DNAH14: variants seen among roughly 807,000 people sequenced by gnomAD.
DNAH14 encodes dynein axonemal heavy chain 14, also known as axonemal beta dynein heavy chain 14.
In DNAH14, 478 loss-of-function variants were observed where a neutral mutation model predicts 520.9. The ratio of observed to expected loss-of-function variants is 0.92; its 90% CI spans 0.85 to 0.99. The LOEUF (loss-of-function observed/expected upper bound fraction) is 0.99. DNAH14 is among the 50% of genes least tolerant of loss of function. DNAH14 has a pLI of 0.00. For synonymous variants in DNAH14, 1,581 were observed against 1,757.2 expected (o/e 0.90, Z 2.51); for missense variants, 4,831 against 5,234.5 (o/e 0.92, Z 2.38).
chr1:225,324,978 ATTGG>A, intron 64 of DNAH14, 146 bp downstream of exon 64: 4 of 400,770 alleles, frequency 1.0e-5, no homozygotes, highest in Non-Finnish European at 1.7e-5. Context: ...AAATAATATT[ATTGG>A]TAATATTATT....
intron 27 of DNAH14, among the ~76,000 whole-genome samples, chr1:225,133,824 C>T (rs1023770747): frequency 2.0e-5 from 3 of 152,082 alleles, no homozygotes; most frequent in Non-Finnish European, 2.9e-5. Context: ...GCAGTATGGC[C>T]GTTTTTATGA....
At chr1:225,344,017 G>A (rs780533765) in intron 69 of DNAH14, among the ~76,000 whole-genome samples, 26 of 152,168 alleles carry the variant, frequency 1.7e-4, no homozygotes, top group Non-Finnish European at 3.2e-4. Context: ...ACACACATTA[G>A]GGCACTATAT....
Position 225,331,428 on chromosome 1 carries a change from A to T in DNAH14, c.9724-9A>T. 1 of 1,547,878 alleles carries T rather than the reference A, an allele frequency of 6.5e-7. No individual in the cohort carries two copies. Among genetic ancestry groups the T allele is most frequent in the South Asian group, 1.2e-5 (1 of 83,170 alleles). The stretch of plus-strand genomic sequence containing the variant: ...TATTTTTCTCAATAATGAATTAATT[A>T]TCTTTCAGGTTGAAGAACATTTGCT... On this transcript the variant is annotated splice_polypyrimidine_tract_variant and intron_variant, in intron 64 of 85. Transcript: ENST00000682510.
chr1:225,173,250 T>A (rs1336720300), intron 36 of DNAH14, among the ~76,000 whole-genome samples: 2 of 152,158 alleles, frequency 1.3e-5, no homozygotes, highest in Non-Finnish European at 2.9e-5. Context: ...AAAGCCAAAA[T>A]TGACAAATGG....
chr1:224,941,046 G>C (rs1415519038), intron 1 of DNAH14, among the ~76,000 whole-genome samples: 1 of 152,290 alleles, frequency 6.6e-6, no homozygotes, highest in East Asian at 1.9e-4. Flanking sequence ...TAATGGGATG[G>C]CTGGGTCAAA....
chr1:224,952,801 A>C, intron 2 of DNAH14, 22 bp downstream of exon 2: 1 of 1,541,258 alleles, frequency 6.5e-7, no homozygotes, highest in South Asian at 1.2e-5. Flanking sequence ...ATAAAATATA[A>C]TGAGTTTTTT....
intron 23 of DNAH14, among the ~76,000 whole-genome samples, chr1:225,114,683 T>C (rs749052448): frequency 5.3e-5 from 8 of 152,180 alleles, no homozygotes; most frequent in Non-Finnish European, 1.0e-4. Flanking sequence ...GAATGGATGC[T>C]TACCCTCTGG....
chr1:225,335,141 ACATGTGTACATGTGTGCATGTGTG>A (rs1333150405), intron 66 of DNAH14, among the ~76,000 whole-genome samples: 32 of 123,154 alleles, frequency 2.6e-4, no homozygotes, highest in African/African-American at 1.0e-3. Context: ...GTGCATGTGC[ACATGTGTACATGTGTGCATGTGTG>A]CATGTGTACA....
intron 17 of DNAH14, among the ~76,000 whole-genome samples, chr1:225,058,496 G>A (rs2069495776): frequency 2.0e-5 from 3 of 152,040 alleles, no homozygotes; most frequent in Admixed American, 6.6e-5. Context: ...TGGATTCATT[G>A]ATTTTTTGAA....
chr1:225,052,407 G>T (rs1331141815), intron 17 of DNAH14, among the ~76,000 whole-genome samples: 1 of 152,128 alleles, frequency 6.6e-6, no homozygotes, highest in Admixed American at 6.5e-5. Context: ...GATCCTAATA[G>T]ACCAGCCATT....
intron 1 of DNAH14, among the ~76,000 whole-genome samples, chr1:224,934,580 C>G (rs1387940436): frequency 6.6e-6 from 1 of 151,696 alleles, no homozygotes; most frequent in African/African-American, 2.4e-5. Context: ...TTGATATCCC[C>G]AAGGGCAAAG....
At position 225,105,118 on chromosome 1, in the gene DNAH14, T is replaced by C. The variant is rs3128673; in HGVS notation, c.3867+4234T>C. Among the ~76,000 whole-genome samples the C allele has an allele frequency of 2.5e-3, 382 of 152,326 alleles. 2 individuals carry two copies. Among genetic ancestry groups the C allele is most frequent in the African/African-American group, 8.5e-3 (352 of 41,568 alleles). The stretch of plus-strand genomic sequence containing the variant: ...TCTCATTGGTTTCAAAGAACATCTT[T>C]ATTTCTACCTTCATTTCCTTATGTA... On this transcript the variant is annotated intron_variant, in intron 23 of 85. Coordinates refer to ENST00000682510, the MANE Select transcript of DNAH14 (RefSeq NM_001367479.1).
intron 48 of DNAH14, among the ~76,000 whole-genome samples, chr1:225,266,272 A>AAGTAAGTAAAGTACTT (rs1374966176): frequency 6.6e-6 from 1 of 152,176 alleles, no homozygotes; most frequent in Non-Finnish European, 1.5e-5. Context: ...TGCCAATAGT[A>AAGTAAGTAAAGTACTT]GGCACTCAGT....
intron 41 of DNAH14, among the ~76,000 whole-genome samples, chr1:225,229,298 G>A (rs1023396333): frequency 6.6e-6 from 1 of 152,166 alleles, no homozygotes; most frequent in Admixed American, 6.5e-5. Flanking sequence ...GGAGAAATAG[G>A]AATGCTTTTA....
intron 75 of DNAH14, among the ~76,000 whole-genome samples, chr1:225,364,453 T>C (rs560005181): frequency 1.3e-5 from 2 of 152,322 alleles, no homozygotes; most frequent in Admixed American, 1.3e-4. Context: ...TCAAGGATTA[T>C]AATTGTTTAC....
At chr1:225,185,921 G>T (rs2084647426) in intron 37 of DNAH14, among the ~76,000 whole-genome samples, 1 of 112,416 alleles carries the variant, frequency 8.9e-6, no homozygotes, top group Non-Finnish European at 1.9e-5. Flanking sequence ...TCACACTTTG[G>T]AATTTTCTAT....
chr1:225,335,696 T>C lies in DNAH14; in HGVS notation c.10081-1570T>C, dbSNP rs1473097221. Among the ~76,000 whole-genome samples the C allele has an allele frequency of 5.8e-5, 5 of 86,110 alleles. 1 individual carries two copies. The highest frequency in any genetic ancestry group is 1.2e-4 in the Non-Finnish European group (5 of 42,160). The allele number at this position is 86,110 out of a possible 152,430, so 56.5% of individuals were successfully genotyped here. A position where few individuals can be genotyped will look rare whatever the true frequency, so the allele number is the denominator to read the frequency against. Reference sequence around the variant, plus strand: ...ATATATGTATATACGCATATATACATATGTGCATATATGTATATACGCATA... The same window carrying C: ...ATATATGTATATACGCATATATACACATGTGCATATATGTATATACGCATA... On this transcript the variant is annotated intron_variant, in intron 66 of 85. Coordinates refer to ENST00000682510, the MANE Select transcript of DNAH14 (RefSeq NM_001367479.1).
intron 23 of DNAH14, among the ~76,000 whole-genome samples, chr1:225,111,714 C>G (rs2076491922): frequency 6.6e-6 from 1 of 151,784 alleles, no homozygotes; most frequent in African/African-American, 2.4e-5. Context: ...TTCCTTCTTT[C>G]CTTCCCTCCT....
chr1:224,982,205 C>T (rs1301625494), intron 8 of DNAH14, among the ~76,000 whole-genome samples: 1 of 152,166 alleles, frequency 6.6e-6, no homozygotes, highest in Non-Finnish European at 1.5e-5. Flanking sequence ...AGTGTATTGA[C>T]TCAGAGCTTC....
Sources: gnomAD v4.1 joint callset for allele counts (sites outside exome capture counted in the v4.1 genomes callset) on GRCh38, gnomAD v4.1.1 for gene constraint, MANE v1.5 for transcripts, NCBI Gene and HGNC (gene_info 2026-07-23, HGNC 2026-07-21) for gene names.